Variants in CAMKK1 observed in about 807,000 individuals in gnomAD.
CAMKK1 encodes calcium/calmodulin-dependent protein kinase kinase 1.
A neutral mutation model predicts 63.5 loss-of-function variants in CAMKK1; 20 were observed. That is an observed-to-expected ratio of 0.32 (90% CI 0.22 to 0.46). CAMKK1 has a LOEUF of 0.46. Ranked by LOEUF, CAMKK1 falls within the 20% of genes least tolerant of loss-of-function variation. The probability of loss-of-function intolerance (pLI) is 1.00; values close to 1 mark genes in which losing one functional copy is unlikely to be tolerated. For missense variants in CAMKK1, 588 were observed against 658.1 expected (o/e 0.89, Z 1.17); for synonymous variants, 253 against 269.0 (o/e 0.94, Z 0.58).
At chr17:3,880,273 T>C (rs557618641) in intron 9 of CAMKK1, 73 bp downstream of exon 9, 2 of 1,292,018 alleles carry the variant, frequency 1.5e-6, no homozygotes, top group South Asian at 1.2e-5. Context: ...GCTCAGAGTC[T>C]GCTCAGCCTG....
In CAMKK1 at chr17:3,882,389, G is replaced by A. The variant is rs754285264; in HGVS notation, c.685+139C>T. On this transcript the variant is annotated intron_variant, in intron 7 of 15. Coordinates refer to ENST00000348335, the MANE Select transcript of CAMKK1 (RefSeq NM_032294.3). This position sits in a 1 kb window ranked among gnomAD's most constrained non-coding sequence, Gnocchi z 4.3. ...TGCAGGGCTGGGCAAGGGAATCCAG[G>A]GCTTCAGAACGTGTGTTTTTCTTCT... 8 of 1,602,222 alleles carry A rather than the reference G, an allele frequency of 5.0e-6. No individual in the cohort carries two copies. Among genetic ancestry groups the A allele is most frequent in the Middle Eastern group, 1.7e-4 (1 of 6,060 alleles).
Position 3,882,697 on chromosome 17 carries a change from G to A in CAMKK1, c.649-133C>T, listed in dbSNP as rs2055467039. 3.4e-6 allele frequency: 3 copies of A among 881,948 alleles called. No individual in the cohort carries two copies. The highest frequency in any genetic ancestry group is 3.1e-5 in the South Asian group (2 of 64,024). The allele number at this position is 881,948 out of a possible 1,614,324, so 54.6% of individuals were successfully genotyped here. A position where few individuals can be genotyped will look rare whatever the true frequency, so the allele number is the denominator to read the frequency against. On this transcript the variant is annotated intron_variant, in intron 6 of 15. Coordinates refer to ENST00000348335, the MANE Select transcript of CAMKK1 (RefSeq NM_032294.3). The surrounding 1 kb of genome is among the most constrained non-coding windows in gnomAD (Gnocchi z 4.3). ...CACCCCAGACAAGGAAGCAGGAAGT[G>A]TACAGGTGGTGCCAGACTGATGGGG...
intron 10 of CAMKK1, among the ~76,000 whole-genome samples, chr17:3,875,512 C>T (rs953837647): frequency 2.0e-5 from 3 of 151,838 alleles, no homozygotes; most frequent in African/African-American, 7.3e-5. Context: ...ATCTCAAATT[C>T]CTAGCCTTAA....
At chr17:3,871,333 GTTTTTTTTTTTTT>G (rs1567617850) in intron 12 of CAMKK1, among the ~76,000 whole-genome samples, 15,056 of 110,940 alleles carry the variant, frequency 0.14, 1,520 homozygotes, top group East Asian at 0.44. Context: ...GTTGTTTTTT[GTTTTTTTTTTTTT>G]GTTTTTTTTT....
At chr17:3,875,574 T>C (rs1353703617) in intron 10 of CAMKK1, among the ~76,000 whole-genome samples, 1 of 152,144 alleles carries the variant, frequency 6.6e-6, no homozygotes, top group Non-Finnish European at 1.5e-5. Context: ...TGAGCCACTG[T>C]GCCCGGCCTC....
At chr17:3,867,147 A>G (rs1024723627) in intron 14 of CAMKK1, among the ~76,000 whole-genome samples, 1 of 152,242 alleles carries the variant, frequency 6.6e-6, no homozygotes, top group Admixed American at 6.5e-5. Context: ...GGTGTGAAGC[A>G]GGGGAGGCTG....
In CAMKK1 at chr17:3,872,735, C is replaced by T. The variant is rs146264895; in HGVS notation, c.1051-108G>A. On this transcript the variant is annotated intron_variant, in intron 11 of 15. Coordinates refer to ENST00000348335, the MANE Select transcript of CAMKK1 (RefSeq NM_032294.3). The stretch of plus-strand genomic sequence containing the variant: ...GGCAGGGGTAGGGGGCAGGTCTGGG[C>T]TCCCATTACATGAGAAGGACCTCAA... 2.3e-3 allele frequency: 1,892 copies of T among 830,020 alleles called. 10 individuals are homozygous for T. Among genetic ancestry groups the T allele is most frequent in the Middle Eastern group, 7.5e-3 (33 of 4,382 alleles). The allele number at this position is 830,020 out of a possible 1,614,324, so 51.4% of individuals were successfully genotyped here.
At chr17:3,872,702 T>A in intron 11 of CAMKK1, 75 bp from the exon 12 acceptor site, 24 of 1,267,792 alleles carry the variant, frequency 1.9e-5, no homozygotes, top group Non-Finnish European at 2.8e-5. Flanking sequence ...CCCCCCTCCC[T>A]TGGTGGGGGC....
In CAMKK1 at chr17:3,868,999, C is replaced by T. The variant is rs548518519; in HGVS notation, c.1341+488G>A. Among the ~76,000 whole-genome samples the T allele has an allele frequency of 1.5e-4, 22 of 147,174 alleles. No individual in the cohort carries two copies. In the South Asian group the frequency reaches 1.9e-3, roughly 13 times the overall value. Reference sequence around the variant, plus strand: ...TTTTTTTTTTTTTGAGACGCAGTCTCGCTCTGTGGCCCAGGCTGGAGTGCA... The same window carrying T: ...TTTTTTTTTTTTTGAGACGCAGTCTTGCTCTGTGGCCCAGGCTGGAGTGCA... On this transcript the variant is annotated intron_variant, in intron 14 of 15. Coordinates refer to ENST00000348335, the MANE Select transcript of CAMKK1 (RefSeq NM_032294.3).
At chr17:3,868,925 T>A (rs2054702225) in intron 14 of CAMKK1, among the ~76,000 whole-genome samples, 1 of 151,452 alleles carries the variant, frequency 6.6e-6, no homozygotes, top group Non-Finnish European at 1.5e-5. Context: ...AGTGCTGGGA[T>A]TCCAGGCGTG....
chr17:3,880,198 G>C, intron 9 of CAMKK1, 148 bp downstream of exon 9: 188 of 478,870 alleles, frequency 3.9e-4, no homozygotes, highest in Middle Eastern at 6.4e-4. Context: ...CTTTGGCCCC[G>C]CCACACGTGC....
chr17:3,870,512 C>G (rs1238049212), intron 12 of CAMKK1, among the ~76,000 whole-genome samples: 4 of 152,084 alleles, frequency 2.6e-5, no homozygotes, highest in Non-Finnish European at 2.9e-5. Flanking sequence ...ACTACAGGTG[C>G]CCGCCACCGT....
chr17:3,869,451 T>G (rs769131729), intron 14 of CAMKK1, 36 bp downstream of exon 14: 1 of 1,613,112 alleles, frequency 6.2e-7, no homozygotes, highest in African/African-American at 1.3e-5. Flanking sequence ...CCCCAGGCCC[T>G]CCAGGACAAG....
At chr17:3,878,557 G>C (rs1234735580) in intron 9 of CAMKK1, among the ~76,000 whole-genome samples, 1 of 152,158 alleles carries the variant, frequency 6.6e-6, no homozygotes, top group Non-Finnish European at 1.5e-5. Flanking sequence ...CATGCCTCTA[G>C]GCCCTTGGTA....
At chr17:3,872,154 T>A (rs923675630) in intron 12 of CAMKK1, among the ~76,000 whole-genome samples, 9 of 152,218 alleles carry the variant, frequency 5.9e-5, no homozygotes, top group South Asian at 2.1e-4. Flanking sequence ...CTCCAGAGCA[T>A]CCTCTTTTCC....
In CAMKK1 at chr17:3,892,023, T is replaced by C. The variant is rs924086633; in HGVS notation, c.-44+916A>G. ...CAGTGGGGGGTCAATTTGTATGTAC[T>C]GGAGGAAAGAGGGCAGGGCTTGGGG... On this transcript the variant is annotated intron_variant, in intron 1 of 15. Transcript: ENST00000348335. This position sits in a 1 kb window ranked among gnomAD's most constrained non-coding sequence, Gnocchi z 7.5. 6.6e-6 allele frequency among the ~76,000 whole-genome samples: 1 copy of C among 152,072 alleles called. No individual in the cohort carries two copies. Among genetic ancestry groups the C allele is most frequent in the Non-Finnish European group, 1.5e-5 (1 of 68,002 alleles).
chr17:3,888,515 G>C (rs2055755507), intron 1 of CAMKK1, among the ~76,000 whole-genome samples: 1 of 152,238 alleles, frequency 6.6e-6, no homozygotes, highest in South Asian at 2.1e-4. Context: ...CGCAAGATGG[G>C]GTTCTAGCGG....
intron 12 of CAMKK1, among the ~76,000 whole-genome samples, chr17:3,871,347 G>GTTTT (rs869219931): frequency 1.9e-4 from 20 of 104,362 alleles, no homozygotes; most frequent in Non-Finnish European, 2.7e-4. Context: ...TTTTTTTTTT[G>GTTTT]TTTTTTTTTT....
intron 12 of CAMKK1, among the ~76,000 whole-genome samples, chr17:3,870,545 T>C (rs1282427190): frequency 6.6e-6 from 1 of 152,060 alleles, no homozygotes; most frequent in Admixed American, 6.6e-5. Flanking sequence ...TTTTGTATTT[T>C]TAGTAGAGAC....
Sources: allele counts gnomAD v4.1 joint callset (sites outside exome capture counted in the v4.1 genomes callset), GRCh38; gene constraint gnomAD v4.1.1; non-coding constraint Gnocchi (gnomAD v3.1); transcripts MANE v1.5; gene names NCBI Gene and HGNC (gene_info 2026-07-23, HGNC 2026-07-21).